SGCG: variants seen among roughly 807,000 people sequenced by gnomAD.
SGCG encodes gamma-sarcoglycan.
Under a neutral mutation model 29.3 loss-of-function variants are expected in SGCG, and 26 were observed. That is an observed-to-expected ratio of 0.89 (90% CI 0.65 to 1.23). The LOEUF (loss-of-function observed/expected upper bound fraction) is 1.23, where lower values mean the gene tolerates loss of function less well. Among genes scored for constraint, SGCG ranks in the 50% most tolerant of loss-of-function variants. SGCG has a pLI of 0.00. For missense variants in SGCG, 353 were observed against 356.0 expected (o/e 0.99, Z 0.07); for synonymous variants, 145 against 129.7 (o/e 1.12, Z -0.80).
chr13:23,186,542 T>C (rs900954064), intron 1 of SGCG, among the ~76,000 whole-genome samples: 1 of 152,172 alleles, frequency 6.6e-6, no homozygotes, highest in Non-Finnish European at 1.5e-5. Context: ...ACATGACCAC[T>C]TCTACGCTCA....
At chr13:23,321,907 GAA>G (rs35265625) in intron 7 of SGCG, among the ~76,000 whole-genome samples, 13 of 146,836 alleles carry the variant, frequency 8.9e-5, no homozygotes, top group African/African-American at 3.3e-4. Flanking sequence ...CTGTTTGTTA[GAA>G]AAAAAAAAAG....
At position 23,234,609 on chromosome 13, in the gene SGCG, A is replaced by G; in HGVS notation, c.196-2A>G. 6.3e-7 allele frequency: 1 copy of G among 1,595,214 alleles called. No individual in the cohort carries two copies. Among genetic ancestry groups the G allele is most frequent in the Non-Finnish European group, 8.6e-7 (1 of 1,165,008 alleles). On this transcript the variant is annotated splice_acceptor_variant, in intron 2 of 7. Transcript: ENST00000218867. LOFTEE classifies it high-confidence loss of function. ...GCATTGTCTCTTTTTTTTTTTTAAC[A>G]GGCAGGAATGGGCCACTTGTGTGTA...
At chr13:23,266,319 A>G (rs1195960259) in intron 4 of SGCG, among the ~76,000 whole-genome samples, 3 of 151,980 alleles carry the variant, frequency 2.0e-5, no homozygotes, top group African/African-American at 7.2e-5. Context: ...GATATATGTA[A>G]TTGTGGTGTG....
chr13:23,200,462 C>T (rs937726928), intron 1 of SGCG, among the ~76,000 whole-genome samples: 2 of 152,116 alleles, frequency 1.3e-5, no homozygotes, highest in Non-Finnish European at 2.9e-5. Flanking sequence ...GGAATTTTTC[C>T]TTTCAACATT....
intron 3 of SGCG, among the ~76,000 whole-genome samples, chr13:23,249,088 C>G (rs918872114): frequency 6.6e-6 from 1 of 151,290 alleles, no homozygotes; most frequent in Non-Finnish European, 1.5e-5. Flanking sequence ...CTAGTAAAAT[C>G]TTGCAATGCA....
At chr13:23,258,626 A>G (rs1880296560) in intron 4 of SGCG, among the ~76,000 whole-genome samples, 3 of 151,956 alleles carry the variant, frequency 2.0e-5, no homozygotes. Context: ...GTCTTTTGCC[A>G]GTTTTCAAAG....
At chr13:23,238,130 A>C (rs1455889923) in intron 3 of SGCG, among the ~76,000 whole-genome samples, 1 of 152,216 alleles carries the variant, frequency 6.6e-6, no homozygotes, top group Non-Finnish European at 1.5e-5. Context: ...TGACTCCTCA[A>C]ATTGCCTTAA....
At chr13:23,292,454 T>C (rs1223564990) in intron 5 of SGCG, among the ~76,000 whole-genome samples, 2 of 152,244 alleles carry the variant, frequency 1.3e-5, no homozygotes, top group African/African-American at 4.8e-5. Flanking sequence ...CTTTGTTCTT[T>C]GGAGATATGC....
chr13:23,312,519 A>G (rs1286608016), intron 6 of SGCG, among the ~76,000 whole-genome samples: 15 of 152,222 alleles, frequency 9.9e-5, no homozygotes, highest in Admixed American at 9.8e-4. Context: ...TCAGAAAGGC[A>G]AGTACCACAT....
chr13:23,211,350 T>C (rs1005754502), intron 2 of SGCG, among the ~76,000 whole-genome samples: 3 of 151,994 alleles, frequency 2.0e-5, no homozygotes, highest in Non-Finnish European at 2.9e-5. Context: ...AAGGGCAGAG[T>C]GTTTCTCTCA....
At chr13:23,232,967 A>G (rs1879166312) in intron 2 of SGCG, among the ~76,000 whole-genome samples, 1 of 152,244 alleles carries the variant, frequency 6.6e-6, no homozygotes, top group South Asian at 2.1e-4. Flanking sequence ...GTGCACTGTT[A>G]GAATATAAAA....
chr13:23,255,933 C>G (rs565075182), intron 4 of SGCG, among the ~76,000 whole-genome samples: 41 of 152,290 alleles, frequency 2.7e-4, no homozygotes, highest in Middle Eastern at 3.4e-3. Flanking sequence ...AAGCTCCCCA[C>G]AGGAGACAGT....
chr13:23,180,224 A>G (rs1210581145), upstream of SGCG, among the ~76,000 whole-genome samples: 1 of 152,210 alleles, frequency 6.6e-6, no homozygotes, highest in Non-Finnish European at 1.5e-5. Context: ...AATTATTCAG[A>G]AGTTCGATAT....
intron 2 of SGCG, among the ~76,000 whole-genome samples, chr13:23,231,756 C>T (rs1459144633): frequency 6.6e-6 from 1 of 152,132 alleles, no homozygotes; most frequent in East Asian, 1.9e-4. Flanking sequence ...TCCCAAACAG[C>T]AGTTGTCAAC....
At chr13:23,267,955 C>G (rs1046683770) in intron 4 of SGCG, 1 of 151,978 alleles carries the variant, frequency 6.6e-6, no homozygotes, top group African/African-American at 2.4e-5. Flanking sequence ...AGTGCTGATA[C>G]TAGAAGAAGA....
At chr13:23,162,713 C>T in the SGCG span, among the ~76,000 whole-genome samples, 1 of 152,080 alleles carries the variant, frequency 6.6e-6, no homozygotes, top group Non-Finnish European at 1.5e-5. Flanking sequence ...CGCCTGTAGT[C>T]CCAGCTTCTC....
intron 2 of SGCG, chr13:23,217,636 C>G (rs6490784): frequency 0.47 from 70,865 of 151,236 alleles, 17,183 homozygotes; most frequent in East Asian, 0.66. Context: ...TTAATCAGCT[C>G]TACTTTACAA....
At chr13:23,244,550 GTTGT>G (rs1566014740) in intron 3 of SGCG, 1 of 152,176 alleles carries the variant, frequency 6.6e-6, no homozygotes, top group Non-Finnish European at 1.5e-5. Flanking sequence ...TTAAAACGTG[GTTGT>G]TTTAGATCTT....
chr13:23,257,878 A>G (rs1411273634), intron 4 of SGCG, among the ~76,000 whole-genome samples: 1 of 152,100 alleles, frequency 6.6e-6, no homozygotes, highest in East Asian at 1.9e-4. Flanking sequence ...GTTATTTCTG[A>G]GGCCTCTGTT....
Sources: gnomAD v4.1 joint callset for allele counts (sites outside exome capture counted in the v4.1 genomes callset) on GRCh38, gnomAD v4.1.1 for gene constraint, MANE v1.5 for transcripts, NCBI Gene and HGNC (gene_info 2026-07-23, HGNC 2026-07-21) for gene names.